The following TMEM26 variants were observed in gnomAD, a reference collection of about 807,000 sequenced individuals.
TMEM26 encodes transmembrane protein 26.
In TMEM26, 38 loss-of-function variants were observed where a neutral mutation model predicts 28.8. The observed-to-expected ratio is 1.32, with a 90% CI of 1.02 to 1.73. The LOEUF is 1.73. TMEM26 is among the 40% of genes most tolerant of loss of function. The pLI is 0.00. For synonymous variants in TMEM26, 227 were observed against 182.9 expected (o/e 1.24, Z -1.95); for missense variants, 518 against 447.1 (o/e 1.16, Z -1.43).
chr10:61,441,215 A>T, intron 1 of TMEM26, among the ~76,000 whole-genome samples: 1 of 152,152 alleles, frequency 6.6e-6, no homozygotes, highest in Middle Eastern at 3.2e-3. Flanking sequence ...CGCCACAAAC[A>T]TTTAGTGATT....
At chr10:61,415,333 A>C (rs1839634282) in intron 4 of TMEM26, among the ~76,000 whole-genome samples, 1 of 152,102 alleles carries the variant, frequency 6.6e-6, no homozygotes, top group Admixed American at 6.6e-5. Flanking sequence ...TAAGGTCTAA[A>C]ATTTTAAGTG....
intron 4 of TMEM26, chr10:61,414,886 A>C (rs1010258468): frequency 1.1e-5 from 7 of 635,930 alleles, no homozygotes; most frequent in Non-Finnish European, 2.0e-6. Flanking sequence ...CTTCTGAAAA[A>C]GTCTCCCATA....
At chr10:61,443,782 T>C (rs540426811) in intron 1 of TMEM26, among the ~76,000 whole-genome samples, 1 of 152,256 alleles carries the variant, frequency 6.6e-6, no homozygotes, top group East Asian at 1.9e-4. Flanking sequence ...CCTCACTCAA[T>C]CTAAAATTTT....
intron 4 of TMEM26, chr10:61,414,950 G>C (rs192369892): frequency 2.0e-6 from 2 of 980,264 alleles, no homozygotes; most frequent in African/African-American, 3.5e-5. Context: ...CTGTTAGGTG[G>C]ATTCCTGTGT....
In TMEM26 at chr10:61,429,102, A is replaced by G. The variant is rs1385301384; in HGVS notation, c.429T>C (p.Val143=). Residue 143 remains valine, a synonymous_variant, in exon 4 of 6, where the codon GTT becomes GTC. Coordinates refer to ENST00000399298, the MANE Select transcript of TMEM26 (RefSeq NM_178505.8). ...ATGTCTGATGGAGTCCCAATGTCCA[A>G]ACTTTCTCACATACTGTAGATAAGT... ...VNNLSTVCEK[V]WTLGLHQTFL... The G allele has an allele frequency of 5.6e-6, 9 of 1,613,266 alleles. No individual in the cohort carries two copies. Among genetic ancestry groups the G allele is most frequent in the Middle Eastern group, 1.7e-4 (1 of 6,056 alleles).
intron 4 of TMEM26, among the ~76,000 whole-genome samples, chr10:61,416,977 A>T (rs1381785218): frequency 3.3e-5 from 5 of 152,078 alleles, no homozygotes; most frequent in Admixed American, 6.6e-5. Context: ...TGAAAAACAT[A>T]CTAGTGAAAT....
At chr10:61,446,767 C>T (rs1394711923) in intron 1 of TMEM26, among the ~76,000 whole-genome samples, 2 of 124,558 alleles carry the variant, frequency 1.6e-5, no homozygotes, top group South Asian at 5.3e-4. Context: ...TACAGTGAGC[C>T]GAGATCGCGC....
At chr10:61,446,531 A>G (rs554831768) in intron 1 of TMEM26, among the ~76,000 whole-genome samples, 2 of 152,224 alleles carry the variant, frequency 1.3e-5, no homozygotes, top group South Asian at 2.1e-4. Context: ...TAAAAAATGT[A>G]TATACTGGGC....
intron 1 of TMEM26, among the ~76,000 whole-genome samples, chr10:61,447,437 T>C (rs1840203173): frequency 6.6e-6 from 1 of 152,240 alleles, no homozygotes; most frequent in African/African-American, 2.4e-5. Flanking sequence ...AATTGAGTGA[T>C]CTAAACAGAT....
At chr10:61,428,318 A>G (rs1222467680) in intron 4 of TMEM26, among the ~76,000 whole-genome samples, 1 of 152,130 alleles carries the variant, frequency 6.6e-6, no homozygotes, top group Non-Finnish European at 1.5e-5. Context: ...GGCAAAAATA[A>G]AAGTACCAAC....
chr10:61,432,981 T>C (rs953870731), intron 2 of TMEM26, among the ~76,000 whole-genome samples: 9 of 152,190 alleles, frequency 5.9e-5, no homozygotes, highest in African/African-American at 2.2e-4. Flanking sequence ...GCAAAGCATG[T>C]TGGTGTTTTT....
intron 4 of TMEM26, among the ~76,000 whole-genome samples, chr10:61,427,656 C>T (rs1457140538): frequency 2.0e-5 from 3 of 151,972 alleles, no homozygotes; most frequent in Non-Finnish European, 4.4e-5. Flanking sequence ...ATGACTGGCC[C>T]CACAAAACAT....
In TMEM26 at chr10:61,410,101, A is replaced by G. The variant is rs1426451455; in HGVS notation, c.*221T>C. The G allele has an allele frequency of 7.0e-6, 4 of 573,530 alleles. No individual in the cohort carries two copies. In the African/African-American group the frequency reaches 7.5e-5, roughly 11 times the overall value. The allele number at this position is 573,530 out of a possible 1,614,324, so 35.5% of individuals were successfully genotyped here. The stretch of plus-strand genomic sequence containing the variant: ...AATCACTTAGTCGTTGAACAACTAT[A>G]ACATCTGATACCATCACACAGAAGT... On this transcript the variant is annotated 3_prime_UTR_variant, in exon 6 of 6. Coordinates refer to ENST00000399298, the MANE Select transcript of TMEM26 (RefSeq NM_178505.8).
At chr10:61,415,099 T>G in intron 4 of TMEM26, 5 of 985,210 alleles carry the variant, frequency 5.1e-6, no homozygotes, top group Non-Finnish European at 6.0e-6. Context: ...AGAACGTGGA[T>G]AGAAAACCAG....
At chr10:61,429,242 G>T in intron 3 of TMEM26, 96 bp from the exon 4 acceptor site, 2 of 1,002,368 alleles carry the variant, frequency 2.0e-6, no homozygotes, top group Non-Finnish European at 3.0e-6. Flanking sequence ...GTTTGCTTTT[G>T]TAGAGAGTAA....
At chr10:61,447,334 A>G (rs953252272) in intron 1 of TMEM26, among the ~76,000 whole-genome samples, 2 of 152,234 alleles carry the variant, frequency 1.3e-5, no homozygotes, top group Admixed American at 6.5e-5. Context: ...GTTCTCCCGC[A>G]TTGCTTAAAA....
Position 61,441,018 on chromosome 10 carries a change from G to C in TMEM26, c.192-4770C>G, listed in dbSNP as rs1012555215. On this transcript the variant is annotated intron_variant, in intron 1 of 5. Coordinates refer to ENST00000399298, the MANE Select transcript of TMEM26 (RefSeq NM_178505.8). The stretch of plus-strand genomic sequence containing the variant: ...TATAGCTGTAAATGTTATGTAGATA[G>C]TTGCTGTACAGTATTGTTTTTTATT... Among the ~76,000 whole-genome samples, 96 of 152,142 alleles carry C rather than the reference G, an allele frequency of 6.3e-4. 3 individuals are homozygous for C.
In TMEM26 at chr10:61,453,287, G is replaced by C. The variant is rs563983196; in HGVS notation, c.-206C>G. ...AAACTTCCTGAGAACTCTTCAAAGA[G>C]GGGTGAGTCCAAACCCAGCTTTTCC... On this transcript the variant is annotated 5_prime_UTR_variant, in exon 1 of 6. Transcript: ENST00000399298. 4 of 587,158 alleles carry C rather than the reference G, an allele frequency of 6.8e-6. No homozygotes were observed. The highest frequency in any genetic ancestry group is 1.2e-5 in the Non-Finnish European group (4 of 330,888). The allele number at this position is 587,158 out of a possible 1,614,324, so 36.4% of individuals were successfully genotyped here.
At position 61,410,488 on chromosome 10, in the gene TMEM26, G is replaced by T. The variant is rs1161404314; in HGVS notation, c.941C>A (p.Ser314Ter). ...CAGGCCTTCTGACTGACTTCTCAAC[G>T]AAGCACGGACTGCCAATGCCAGCAC... ...LVVLALAVRA[S>*]LRSQSEGLKG... Residue 314 changes from serine (S) to a stop codon, truncating the protein, a stop_gained, in exon 6 of 6, where the codon TCG becomes TAG. Coordinates refer to ENST00000399298, the MANE Select transcript of TMEM26 (RefSeq NM_178505.8). LOFTEE classifies it low-confidence loss of function (END_TRUNC). The T allele has an allele frequency of 1.9e-6, 3 of 1,613,984 alleles. No homozygotes were observed. The African/African-American group carries it at 4.0e-5, about 22-fold the overall frequency.
Sources: gnomAD v4.1 joint callset for allele counts (sites outside exome capture counted in the v4.1 genomes callset) on GRCh38, gnomAD v4.1.1 for gene constraint, MANE v1.5 for transcripts, NCBI Gene and HGNC (gene_info 2026-07-23, HGNC 2026-07-21) for gene names.